The following MTR variants were observed in gnomAD, a reference collection of about 807,000 sequenced individuals.
MTR encodes the protein 5-methyltetrahydrofolate-homocysteine methyltransferase.
Under a neutral mutation model 154.8 loss-of-function variants are expected in MTR, and 84 were observed. The observed-to-expected ratio is 0.54, with a 90% confidence interval of 0.45 to 0.65. The LOEUF (loss-of-function observed/expected upper bound fraction) is 0.65. Among genes scored for constraint, MTR ranks in the 30% least tolerant of loss-of-function variants. The pLI is 0.00. For missense variants in MTR, 1,275 were observed against 1,570.2 expected (o/e 0.81, Z 3.18); for synonymous variants, 554 against 553.9 (o/e 1.00, Z 0.00).
At chr1:236,847,803 A>C (rs145001779) in intron 15 of MTR, among the ~76,000 whole-genome samples, 232 of 152,350 alleles carry the variant, frequency 1.5e-3, no homozygotes, top group African/African-American at 5.3e-3. Flanking sequence ...TGTAATGTGC[A>C]ACCAGAGTTG....
In MTR at chr1:236,819,740, G is replaced by A. The variant is rs1202209654; in HGVS notation, c.764+3197G>A. 3 of 738,774 alleles carry A rather than the reference G, an allele frequency of 4.1e-6. No homozygotes were observed. The African/African-American group carries it at 5.1e-5, about 13-fold the overall frequency. The allele number at this position is 738,774 out of a possible 1,614,324, so 45.8% of individuals were successfully genotyped here. ...GCACCAAACTTGACTTCCAAATGAA[G>A]CAGTACATCTATAAAAGGAAAAATG... On this transcript the variant is annotated intron_variant, in intron 8 of 32. Coordinates refer to ENST00000366577, the MANE Select transcript of MTR (RefSeq NM_000254.3).
intron 15 of MTR, among the ~76,000 whole-genome samples, chr1:236,841,951 C>T (rs951918516): frequency 4.0e-5 from 6 of 148,350 alleles, no homozygotes; most frequent in African/African-American, 1.5e-4. Flanking sequence ...AGTGCGGTGG[C>T]GCGATCTTGG....
At chr1:236,822,240 G>GT (rs138173027) in intron 8 of MTR, among the ~76,000 whole-genome samples, 52,806 of 149,204 alleles carry the variant, frequency 0.35, 10,031 homozygotes, top group East Asian at 0.44. Context: ...GAATTTTATA[G>GT]TTTTTTTCAT....
intron 13 of MTR, among the ~76,000 whole-genome samples, chr1:236,833,266 A>G (rs191221010): frequency 2.0e-5 from 3 of 152,172 alleles, no homozygotes; most frequent in African/African-American, 4.8e-5. Context: ...TGCCTATTCT[A>G]TGGTGTCCCT....
intron 14 of MTR, among the ~76,000 whole-genome samples, chr1:236,837,037 C>T (rs1405205369): frequency 6.6e-6 from 1 of 152,130 alleles, no homozygotes; most frequent in Non-Finnish European, 1.5e-5. Context: ...AATTTCTTAT[C>T]TTTCTTGGTT....
At chr1:236,887,442 A>T (rs1301271637) in intron 27 of MTR, among the ~76,000 whole-genome samples, 2 of 152,226 alleles carry the variant, frequency 1.3e-5, no homozygotes, top group African/African-American at 4.8e-5. Flanking sequence ...TGTGAGGGTA[A>T]AATATTCTGT....
intron 20 of MTR, 101 bp downstream of exon 20, chr1:236,861,378 G>C: frequency 1.3e-6 from 2 of 1,500,598 alleles, no homozygotes; most frequent in Middle Eastern, 2.1e-4. Context: ...ATTTGGACAA[G>C]AGTTCAATGG....
intron 25 of MTR, among the ~76,000 whole-genome samples, chr1:236,883,256 A>G (rs560667843): frequency 1.6e-4 from 25 of 152,290 alleles, no homozygotes; most frequent in Non-Finnish European, 5.9e-5. Context: ...AAAACACATG[A>G]TGGATTTGAT....
chr1:236,808,639 T>C (rs1158735844), intron 3 of MTR, 65 bp from the exon 4 acceptor site: 10 of 1,467,184 alleles, frequency 6.8e-6, no homozygotes, highest in Admixed American at 5.0e-5. Flanking sequence ...TAGATGGTCA[T>C]GAATCCATTA....
At chr1:236,857,896 T>TG (rs1558315122) in intron 18 of MTR, among the ~76,000 whole-genome samples, 1 of 152,062 alleles carries the variant, frequency 6.6e-6, no homozygotes, top group Non-Finnish European at 1.5e-5. Context: ...GGCCAAGGTT[T>TG]GGGGGTAGAG....
intron 30 of MTR, chr1:236,895,063 G>A (rs772231960): frequency 6.2e-5 from 27 of 435,470 alleles, no homozygotes; most frequent in Non-Finnish European, 9.4e-5. Flanking sequence ...TTTCTGGCCC[G>A]TGGAGCTTTG....
rs577223915 is a variant in MTR, at chr1:236,888,894, G to A, written c.2852-287G>A. On this transcript the variant is annotated intron_variant, in intron 27 of 32. Transcript: ENST00000366577. ...CATTTGTGCAAGTGAGGATTAACCC[G>A]TCTGTCTTTCCTTCTTGGGCAGGGG... Among the ~76,000 whole-genome samples the A allele has an allele frequency of 1.2e-4, 18 of 152,264 alleles. No individual in the cohort carries two copies. The South Asian group carries it at 2.5e-3, about 21-fold the overall frequency.
chr1:236,818,360 GGT>G (rs1314124913), intron 8 of MTR, among the ~76,000 whole-genome samples: 2 of 152,094 alleles, frequency 1.3e-5, no homozygotes, highest in African/African-American at 2.4e-5. Context: ...TGTTGTCCTG[GGT>G]GTCACTGGAG....
At chr1:236,889,467 T>G (rs1666199673) in intron 28 of MTR, 131 bp downstream of exon 28, 2 of 1,204,400 alleles carry the variant, frequency 1.7e-6, no homozygotes, top group Admixed American at 3.7e-5. Flanking sequence ...ATTGCTCACC[T>G]GCCCAACTTT....
In MTR at chr1:236,810,604, T is replaced by C; in HGVS notation, c.502+9T>C. Reference sequence around the variant, plus strand: ...GGATTATAGGAACATCAGTGAGTATTTACCACATATAATCATTGATCTTGG... The same window carrying C: ...GGATTATAGGAACATCAGTGAGTATCTACCACATATAATCATTGATCTTGG... On this transcript the variant is annotated intron_variant, in intron 5 of 32. Transcript: ENST00000366577. 6.2e-7 allele frequency: 1 copy of C among 1,603,176 alleles called. No individual in the cohort carries two copies. The highest frequency in any genetic ancestry group is 8.5e-7 in the Non-Finnish European group (1 of 1,170,184).
At chr1:236,889,745 C>T (rs574523208) in intron 28 of MTR, among the ~76,000 whole-genome samples, 1 of 152,242 alleles carries the variant, frequency 6.6e-6, no homozygotes, top group African/African-American at 2.4e-5. Context: ...GGTGTTCGAA[C>T]TGTTTTTGAC....
chr1:236,825,470 G>A, intron 10 of MTR, 71 bp downstream of exon 10: 1 of 1,422,850 alleles, frequency 7.0e-7, no homozygotes, highest in Non-Finnish European at 9.9e-7. Context: ...AGAGTATTTA[G>A]AAGGAGAATT....
intron 18 of MTR, 79 bp from the exon 19 acceptor site, chr1:236,859,749 TTTTTG>T: frequency 9.2e-7 from 1 of 1,087,064 alleles, no homozygotes; most frequent in Non-Finnish European, 1.4e-6. Context: ...GACACAGGTT[TTTTTG>T]TTTGTTTGTT....
intron 1 of MTR, among the ~76,000 whole-genome samples, chr1:236,796,103 A>G (rs1660372613): frequency 6.6e-6 from 1 of 152,058 alleles, no homozygotes; most frequent in Non-Finnish European, 1.5e-5. Context: ...ATTCGTAAAT[A>G]TGTATTGCGC....
Sources: allele counts gnomAD v4.1 joint callset (sites outside exome capture counted in the v4.1 genomes callset), GRCh38; gene constraint gnomAD v4.1.1; transcripts MANE v1.5; gene names NCBI Gene and HGNC (gene_info 2026-07-23, HGNC 2026-07-21).